Variants in SLC44A1 observed in about 807,000 individuals in gnomAD.
The protein encoded by SLC44A1 is solute carrier family 44 member 1.
A neutral mutation model predicts 79.3 loss-of-function variants in SLC44A1; 26 were observed. That is an observed-to-expected ratio of 0.33 (90% CI 0.24 to 0.46). The LOEUF (loss-of-function observed/expected upper bound fraction) is 0.46. Among genes scored for constraint, SLC44A1 ranks in the 20% least tolerant of loss-of-function variants. The pLI is 1.00. For missense variants in SLC44A1, 688 were observed against 798.1 expected, an observed-to-expected ratio of 0.86 and a Z score of 1.66; for synonymous variants, 263 against 286.2, an observed-to-expected ratio of 0.92 and a Z score of 0.82.
intron 9 of SLC44A1, among the ~76,000 whole-genome samples, chr9:105,364,056 C>CT (rs1223180633): frequency 6.6e-6 from 1 of 152,148 alleles, no homozygotes; most frequent in Non-Finnish European, 1.5e-5. Context: ...GACACTCAGA[C>CT]TTTCTTACAG....
chr9:105,327,858 A>G (rs1463606749), intron 3 of SLC44A1, among the ~76,000 whole-genome samples: 2 of 152,172 alleles, frequency 1.3e-5, no homozygotes, highest in Non-Finnish European at 2.9e-5. Context: ...CTCTAGCACT[A>G]GCACACTGTT....
At chr9:105,283,668 C>T (rs1390386368) in intron 1 of SLC44A1, among the ~76,000 whole-genome samples, 1 of 152,178 alleles carries the variant, frequency 6.6e-6, no homozygotes, top group African/African-American at 2.4e-5. Flanking sequence ...AGAACTATTA[C>T]ATTTATTCTT....
chr9:105,256,370 C>T (rs1829706216), intron 1 of SLC44A1, among the ~76,000 whole-genome samples: 1 of 151,994 alleles, frequency 6.6e-6, no homozygotes, highest in African/African-American at 2.4e-5. Flanking sequence ...AGAGTTAGAT[C>T]CAGCTGCATA....
At position 105,362,875 on chromosome 9, in the gene SLC44A1, G is replaced by C; in HGVS notation, c.955G>C (p.Ala319Pro). 1.2e-6 allele frequency: 2 copies of C among 1,613,310 alleles called. No homozygotes were observed. Among genetic ancestry groups the C allele is most frequent in the Non-Finnish European group, 1.7e-6 (2 of 1,179,728 alleles). ...GCGCAAACGTGTTGCTCTTACCATC[G>C]CCTTGTTCCACGTAGCTGGCAAGGT... ...VMRKRVALTIALFHVAGKVFI... is the reference protein window; with the variant it reads ...VMRKRVALTIPLFHVAGKVFI... Residue 319 changes from alanine to proline, a missense_variant, in exon 9 of 16, where the codon GCC becomes CCC. Ala to Pro is a conservative substitution (Grantham distance 27, BLOSUM62 -1). Transcript: ENST00000374720.
At chr9:105,344,800 A>G (rs1195704960) in intron 4 of SLC44A1, among the ~76,000 whole-genome samples, 2 of 152,176 alleles carry the variant, frequency 1.3e-5, no homozygotes, top group Non-Finnish European at 2.9e-5. Flanking sequence ...AAAAAATTAC[A>G]AAAGAATATG....
chr9:105,265,655 G>A (rs1829945372), intron 1 of SLC44A1, among the ~76,000 whole-genome samples: 2 of 152,300 alleles, frequency 1.3e-5, no homozygotes, highest in South Asian at 4.1e-4. Context: ...TTGCTGGGTT[G>A]TATGGTAAGT....
At chr9:105,262,210 A>G (rs1454987716) in intron 1 of SLC44A1, among the ~76,000 whole-genome samples, 1 of 152,258 alleles carries the variant, frequency 6.6e-6, no homozygotes, top group African/African-American at 2.4e-5. Context: ...CTAAAGGAAC[A>G]TAGATGTTAT....
intron 4 of SLC44A1, among the ~76,000 whole-genome samples, chr9:105,338,779 A>C (rs955253967): frequency 2.6e-5 from 4 of 152,224 alleles, no homozygotes; most frequent in African/African-American, 7.2e-5. Flanking sequence ...TTTTTATTAG[A>C]ATCTATGTCT....
In SLC44A1 at chr9:105,362,892, T is replaced by A. The variant is rs1383162084; in HGVS notation, c.972T>A (p.Ala324=). The A allele has an allele frequency of 6.2e-7, 1 of 1,613,874 alleles. No homozygotes were observed. The highest frequency in any genetic ancestry group is 1.7e-5 in the Admixed American group (1 of 59,960). Reference sequence around the variant, plus strand: ...TTACCATCGCCTTGTTCCACGTAGCTGGCAAGGTCTTCATTCACTTGCCAC... The same window carrying A: ...TTACCATCGCCTTGTTCCACGTAGCAGGCAAGGTCTTCATTCACTTGCCAC... ...VALTIALFHV[A]GKVFIHLPLL... The change falls in exon 9 of 16, where the codon GCT becomes GCA. Residue 324 remains alanine (A), a synonymous_variant. Transcript: ENST00000374720.
At chr9:105,349,433 G>GA (rs1344240206) in intron 5 of SLC44A1, among the ~76,000 whole-genome samples, 1 of 152,048 alleles carries the variant, frequency 6.6e-6, no homozygotes, top group Non-Finnish European at 1.5e-5. Context: ...GTTGAAAGTA[G>GA]AAAAAAGATA....
intron 1 of SLC44A1, among the ~76,000 whole-genome samples, chr9:105,245,866 C>G (rs1019606960): frequency 2.0e-5 from 3 of 152,172 alleles, no homozygotes; most frequent in Admixed American, 6.5e-5. Flanking sequence ...TAATAGAACT[C>G]GACTACTGGC....
chr9:105,358,475 C>T lies in SLC44A1; in HGVS notation c.760+42C>T, dbSNP rs1263027321. 4.1e-6 allele frequency: 4 copies of T among 985,074 alleles called. No individual in the cohort carries two copies. The Admixed American group carries it at 5.5e-5, about 13-fold the overall frequency. The allele number at this position is 985,074 out of a possible 1,614,324, so 61.0% of individuals were successfully genotyped here. ...TTTGTTTTCTACCTCAGCCTCTTAA[C>T]TACTTTGGTAGAAAATAGAAATATA... On this transcript the variant is annotated intron_variant, in intron 7 of 15. Coordinates refer to ENST00000374720, the MANE Select transcript of SLC44A1 (RefSeq NM_080546.5).
intron 4 of SLC44A1, among the ~76,000 whole-genome samples, chr9:105,337,049 C>T (rs1388122336): frequency 2.0e-5 from 3 of 152,288 alleles, no homozygotes; most frequent in East Asian, 1.9e-4. Flanking sequence ...CCACTCTTCA[C>T]GATCTCATTT....
chr9:105,273,530 C>T (rs1363824072), intron 1 of SLC44A1, among the ~76,000 whole-genome samples: 2 of 152,092 alleles, frequency 1.3e-5, no homozygotes, highest in Non-Finnish European at 2.9e-5. Flanking sequence ...GAAAAATTCA[C>T]ATGTAAACTC....
intron 8 of SLC44A1, 81 bp from the exon 9 acceptor site, chr9:105,362,740 G>A (rs1795833873): frequency 9.7e-7 from 1 of 1,034,040 alleles, no homozygotes; most frequent in Non-Finnish European, 1.4e-6. Flanking sequence ...GGGGCTGAAG[G>A]GTTATGTTAA....
intron 1 of SLC44A1, among the ~76,000 whole-genome samples, chr9:105,273,738 G>T (rs747776886): frequency 6.6e-6 from 1 of 151,890 alleles, no homozygotes; most frequent in African/African-American, 2.4e-5. Context: ...GTACATAGCC[G>T]TATCATACTT....
rs1828815951 is a variant in SLC44A1, at chr9:105,393,705, G to A, written c.*4649G>A. 1 of 984,492 alleles carries A rather than the reference G, an allele frequency of 1.0e-6. No individual in the cohort carries two copies. The highest frequency in any genetic ancestry group is 1.7e-5 in the African/African-American group (1 of 57,318). The allele number at this position is 984,492 out of a possible 1,614,324, so 61.0% of individuals were successfully genotyped here. ...CAGTTTCAATATTGCATGAACAATT[G>A]CCACTTTGTAAATTATATGGACAGA... On this transcript the variant is annotated 3_prime_UTR_variant, in exon 16 of 16. Coordinates refer to ENST00000374720, the MANE Select transcript of SLC44A1 (RefSeq NM_080546.5).
Position 105,396,117 on chromosome 9 carries a change from T to C in SLC44A1, c.*7061T>C. The stretch of plus-strand genomic sequence containing the variant: ...ATCACATGGGGACAGTTAACTTTTC[T>C]TCTGCTGTGTTGCCTTAATGCTACT... On this transcript the variant is annotated 3_prime_UTR_variant, in exon 16 of 16. Transcript: ENST00000374720. 1.0e-6 allele frequency: 1 copy of C among 985,434 alleles called. No individual in the cohort carries two copies. The highest frequency in any genetic ancestry group is 1.2e-6 in the Non-Finnish European group (1 of 829,924). The allele number at this position is 985,434 out of a possible 1,614,324, so 61.0% of individuals were successfully genotyped here. A position where few individuals can be genotyped will look rare whatever the true frequency, so the allele number is the denominator to read the frequency against.
chr9:105,360,429 A>G (rs34750132), intron 7 of SLC44A1, among the ~76,000 whole-genome samples: 31,882 of 152,108 alleles, frequency 0.21, 5,221 homozygotes, highest in African/African-American at 0.46. Flanking sequence ...AGTTCCATGA[A>G]CAGCAAGAGT....
Sources: gnomAD v4.1 joint callset for allele counts (sites outside exome capture counted in the v4.1 genomes callset) on GRCh38, gnomAD v4.1.1 for gene constraint, MANE v1.5 for transcripts, NCBI Gene and HGNC (gene_info 2026-07-23, HGNC 2026-07-21) for gene names.